The following SDK1 variants were observed in gnomAD, a reference collection of about 807,000 sequenced individuals.
SDK1 encodes sidekick cell adhesion molecule 1.
Under a neutral mutation model 245.5 loss-of-function variants are expected in SDK1, and 157 were observed. The observed-to-expected ratio is 0.64, with a 90% CI of 0.56 to 0.73. SDK1 has a LOEUF of 0.73. SDK1 is among the 30% of genes least tolerant of loss of function. The pLI, the probability that SDK1 is intolerant of heterozygous loss-of-function variation, is 0.00. For synonymous variants in SDK1, 1,647 were observed against 1,278.5 expected, an observed-to-expected ratio of 1.29 and a Z score of -6.15; for missense variants, 3,583 against 3,002.3, an observed-to-expected ratio of 1.19 and a Z score of -4.52.
chr7:3,534,074 C>G (rs1210609533), intron 1 of SDK1, among the ~76,000 whole-genome samples: 1 of 152,156 alleles, frequency 6.6e-6, no homozygotes, highest in East Asian at 1.9e-4. Flanking sequence ...TTTGGCCTCC[C>G]TGCCCGACAT....
intron 1 of SDK1, among the ~76,000 whole-genome samples, chr7:3,479,421 CAAAAAAAAA>C (rs56094646): frequency 7.5e-5 from 5 of 66,572 alleles, no homozygotes; most frequent in African/African-American, 1.9e-4. Context: ...GACTGTGTCT[CAAAAAAAAA>C]AAAAAAAAAA....
At chr7:3,834,896 A>G (rs1445730500) in intron 5 of SDK1, among the ~76,000 whole-genome samples, 1 of 152,022 alleles carries the variant, frequency 6.6e-6, no homozygotes, top group Non-Finnish European at 1.5e-5. Flanking sequence ...GCATCTGAGG[A>G]TGCTGCTCAC....
intron 22 of SDK1, among the ~76,000 whole-genome samples, chr7:4,099,709 G>T (rs569718685): frequency 6.8e-6 from 1 of 146,716 alleles, no homozygotes; most frequent in Non-Finnish European, 1.5e-5. Context: ...TGGAAGTGGT[G>T]GCTAATGCAC....
chr7:3,946,834 G>A (rs972123872), intron 5 of SDK1, among the ~76,000 whole-genome samples: 1 of 152,098 alleles, frequency 6.6e-6, no homozygotes, highest in African/African-American at 2.4e-5. Context: ...AAGGGAGCTG[G>A]GTAGATTGCC....
At chr7:3,353,325 T>A (rs7779193) in intron 1 of SDK1, among the ~76,000 whole-genome samples, 15,751 of 152,212 alleles carry the variant, frequency 0.1, 1,028 homozygotes, top group African/African-American at 0.18. Flanking sequence ...TTTTGAAAAT[T>A]GATGGCATTT....
chr7:4,212,810 T>A (rs1187490050), intron 38 of SDK1, among the ~76,000 whole-genome samples: 1 of 152,246 alleles, frequency 6.6e-6, no homozygotes, highest in African/African-American at 2.4e-5. Context: ...GCTTCATAGT[T>A]CTGATTGACC....
chr7:3,535,575 C>T (rs996911247), intron 1 of SDK1, among the ~76,000 whole-genome samples: 3 of 152,136 alleles, frequency 2.0e-5, no homozygotes, highest in African/African-American at 4.8e-5. Flanking sequence ...GTTTTCTCAG[C>T]TGTAAAGCGC....
chr7:3,917,260 T>C (rs1280595053), intron 5 of SDK1, among the ~76,000 whole-genome samples: 1 of 152,238 alleles, frequency 6.6e-6, no homozygotes, highest in African/African-American at 2.4e-5. Context: ...TGTCTCTATT[T>C]CCAAGTCAGC....
At chr7:3,770,628 C>A (rs1780382786) in intron 4 of SDK1, among the ~76,000 whole-genome samples, 1 of 152,142 alleles carries the variant, frequency 6.6e-6, no homozygotes, top group Non-Finnish European at 1.5e-5. Flanking sequence ...AGAGATTCCC[C>A]CTTGCTGTGG....
intron 44 of SDK1, among the ~76,000 whole-genome samples, chr7:4,248,676 G>A (rs1311212755): frequency 6.6e-6 from 1 of 151,188 alleles, no homozygotes; most frequent in Non-Finnish European, 1.5e-5. Flanking sequence ...CTACACACCT[G>A]AATACATGCA....
At chr7:3,358,124 C>A (rs1271318112) in intron 1 of SDK1, among the ~76,000 whole-genome samples, 1 of 152,040 alleles carries the variant, frequency 6.6e-6, no homozygotes. Context: ...TGGATTCCAG[C>A]GATTCTCCTG....
chr7:4,108,958 C>G (rs2342502), intron 22 of SDK1, among the ~76,000 whole-genome samples: 73,608 of 151,964 alleles, frequency 0.48, 18,893 homozygotes, highest in African/African-American at 0.65. Flanking sequence ...GCTTAGCTTT[C>G]CATCAGTCAT....
intron 4 of SDK1, among the ~76,000 whole-genome samples, chr7:3,753,688 T>G (rs1216210610): frequency 6.6e-6 from 1 of 152,208 alleles, no homozygotes; most frequent in Admixed American, 6.5e-5. Flanking sequence ...GGTGTCTGAC[T>G]ATAGTGGGAT....
At chr7:4,232,402 C>CTTTTTTT (rs1234788967) in intron 40 of SDK1, among the ~76,000 whole-genome samples, 26 of 65,030 alleles carry the variant, frequency 4.0e-4, no homozygotes, top group African/African-American at 5.5e-4. Context: ...CTTTTCTTTT[C>CTTTTTTT]TTTTCTTTCT....
At chr7:3,913,721 A>G (rs1338842727) in intron 5 of SDK1, among the ~76,000 whole-genome samples, 2 of 152,144 alleles carry the variant, frequency 1.3e-5, no homozygotes, top group Admixed American at 1.3e-4. Flanking sequence ...CCAGTGGTTT[A>G]TTGACATCCA....
At chr7:3,598,210 G>A (rs1583210982) in intron 1 of SDK1, among the ~76,000 whole-genome samples, 1 of 152,096 alleles carries the variant, frequency 6.6e-6, no homozygotes, top group Non-Finnish European at 1.5e-5. Context: ...GGAAGTGCAT[G>A]TTCAAGCCTT....
intron 1 of SDK1, among the ~76,000 whole-genome samples, chr7:3,448,305 C>T (rs981804856): frequency 6.6e-6 from 1 of 151,880 alleles, no homozygotes; most frequent in Non-Finnish European, 1.5e-5. Context: ...TCAGTTTTGT[C>T]TTGTGTGAAT....
chr7:4,017,897 C>T (rs988937418), intron 17 of SDK1, among the ~76,000 whole-genome samples: 1 of 152,202 alleles, frequency 6.6e-6, no homozygotes, highest in East Asian at 1.9e-4. Context: ...ACATAAACGT[C>T]ATGAAGCCAG....
At chr7:3,466,979 TACACACACACACACACACACAC>T (rs11269597) in intron 1 of SDK1, among the ~76,000 whole-genome samples, 2,976 of 127,596 alleles carry the variant, frequency 0.023, 116 homozygotes, top group African/African-American at 0.082. Flanking sequence ...TCTCTCTCTC[TACACACACACACACACACACAC>T]ACACACACAC....
Sources: gnomAD v4.1 joint callset for allele counts (sites outside exome capture counted in the v4.1 genomes callset) on GRCh38, gnomAD v4.1.1 for gene constraint, MANE v1.5 for transcripts, NCBI Gene and HGNC (gene_info 2026-07-23, HGNC 2026-07-21) for gene names.